The following LPA variants were observed in gnomAD, a reference collection of about 807,000 sequenced individuals.
The protein encoded by LPA is lipoprotein(a).
LPA carries 199 observed loss-of-function variants against 197.9 expected under a neutral mutation model. The observed-to-expected ratio is 1.01, with a 90% confidence interval of 0.90 to 1.13. The LOEUF (loss-of-function observed/expected upper bound fraction) is 1.13, where lower values mean the gene tolerates loss of function less well. Among genes scored for constraint, LPA ranks in the 50% most tolerant of loss-of-function variants. The pLI is 0.00. For synonymous variants in LPA, 715 were observed against 639.5 expected (o/e 1.12, Z -1.78); for missense variants, 1,853 against 1,785.8 (o/e 1.04, Z -0.68).
At chr6:160,541,564 A>C (rs187881410) in intron 34 of LPA, among the ~76,000 whole-genome samples, 92 of 152,300 alleles carry the variant, frequency 6.0e-4, no homozygotes, top group African/African-American at 2.1e-3. Flanking sequence ...GATCTATGCA[A>C]GGTCACTCTT....
chr6:160,661,309 A>G (rs528246271), intron 1 of LPA, among the ~76,000 whole-genome samples: 359 of 147,518 alleles, frequency 2.4e-3, no homozygotes, highest in Middle Eastern at 6.9e-3. Flanking sequence ...GAGTGACTAG[A>G]AGAGCAGTGG....
chr6:160,581,285 C>T (rs1778790194), intron 26 of LPA, among the ~76,000 whole-genome samples: 1 of 151,932 alleles, frequency 6.6e-6, no homozygotes, highest in African/African-American at 2.4e-5. Context: ...TTGCCCAATA[C>T]TATGTATTTT....
In LPA at chr6:160,590,705, G is replaced by C. The variant is rs1326294629; in HGVS notation, c.3787+239C>G. Among the ~76,000 whole-genome samples the C allele has an allele frequency of 2.0e-5, 3 of 152,170 alleles. No individual in the cohort carries two copies. In the East Asian group the frequency reaches 5.8e-4, roughly 29 times the overall value. ...AATCTATTGAATAACCAGGGGAGTG[G>C]TAAATCCAGTGCCCTAGAAGGTCTG... On this transcript the variant is annotated intron_variant, in intron 23 of 38. Coordinates refer to ENST00000316300, the MANE Select transcript of LPA (RefSeq NM_005577.4).
intron 28 of LPA, among the ~76,000 whole-genome samples, chr6:160,576,378 A>G (rs1313482140): frequency 4.3e-4 from 28 of 64,976 alleles, no homozygotes; most frequent in African/African-American, 2.0e-3. Flanking sequence ...ATATATATAT[A>G]TATATATATA....
chr6:160,555,293 TAGTGTG>T (rs985552072), intron 30 of LPA, among the ~76,000 whole-genome samples: 9 of 87,928 alleles, frequency 1.0e-4, no homozygotes, highest in African/African-American at 4.1e-4. Context: ...TATTATATGT[TAGTGTG>T]TGTGTGTGTG....
At chr6:160,579,127 T>C (rs1020094412) in intron 26 of LPA, among the ~76,000 whole-genome samples, 5 of 152,112 alleles carry the variant, frequency 3.3e-5, no homozygotes, top group African/African-American at 1.2e-4. Flanking sequence ...TAAGACTATA[T>C]AGTAATATGT....
chr6:160,539,893 T>G, intron 36 of LPA, 150 bp downstream of exon 36: 1 of 1,038,816 alleles, frequency 9.6e-7, no homozygotes, highest in Non-Finnish European at 1.5e-6. Context: ...GGGCTGGGGT[T>G]GAAGATTGAT....
At chr6:160,656,748 T>C (rs1447392474) in intron 1 of LPA, among the ~76,000 whole-genome samples, 1 of 152,194 alleles carries the variant, frequency 6.6e-6, no homozygotes, top group Non-Finnish European at 1.5e-5. Context: ...CTCCCCTTCA[T>C]TCAGTGGGTT....
rs1247963257 is a variant in LPA at position 160,585,037 on chromosome 6, T to C, written c.4289+9A>G. On this transcript the variant is annotated intron_variant, in intron 26 of 38. Transcript: ENST00000316300. ...ATTGTTCCTTTTATGGCTAACATGA[T>C]AGACATACGCATTTGGATAGTATAA... The C allele has an allele frequency of 1.2e-6, 2 of 1,613,398 alleles. No homozygotes were observed. Among genetic ancestry groups the C allele is most frequent in the African/African-American group, 2.7e-5 (2 of 74,870 alleles).
intron 26 of LPA, among the ~76,000 whole-genome samples, chr6:160,582,073 T>C (rs551991175): frequency 7.4e-4 from 113 of 152,234 alleles, no homozygotes; most frequent in Non-Finnish European, 1.3e-3. Flanking sequence ...ATTTGTTCTT[T>C]GTTTTTAGGA....
At chr6:160,561,419 G>A (rs945663354) in intron 28 of LPA, among the ~76,000 whole-genome samples, 21 of 152,142 alleles carry the variant, frequency 1.4e-4, no homozygotes, top group African/African-American at 4.6e-4. Context: ...CTGTTCTATT[G>A]GTCTATATAT....
At chr6:160,594,740 C>T (rs1291375272) in intron 21 of LPA, among the ~76,000 whole-genome samples, 1 of 152,156 alleles carries the variant, frequency 6.6e-6, no homozygotes, top group Admixed American at 6.6e-5. Context: ...GAGACCAACA[C>T]AGATATATGT....
chr6:160,607,716 A>C (rs193126911), intron 16 of LPA, among the ~76,000 whole-genome samples: 2 of 152,064 alleles, frequency 1.3e-5, no homozygotes, highest in African/African-American at 4.8e-5. Flanking sequence ...GACTCTATAC[A>C]TGTGGCCTAG....
intron 28 of LPA, among the ~76,000 whole-genome samples, chr6:160,569,999 G>A (rs538624564): frequency 1.8e-4 from 27 of 152,218 alleles, no homozygotes; most frequent in African/African-American, 6.5e-4. Context: ...ATGCTAGAGA[G>A]GATGTGGAGA....
In LPA at chr6:160,634,536, C is replaced by A. The variant is rs972969158; in HGVS notation, c.1075+587G>T. 2.6e-3 allele frequency among the ~76,000 whole-genome samples: 367 copies of A among 141,352 alleles called. 5 individuals are homozygous for A. The highest frequency in any genetic ancestry group is 0.01 in the African/African-American group (352 of 34,620). The allele number at this position is 141,352 out of a possible 152,430, so 92.7% of individuals were successfully genotyped here. On this transcript the variant is annotated intron_variant, in intron 7 of 38. Transcript: ENST00000316300. Reference sequence around the variant, plus strand: ...AAGTCTACTAACCTTTCTCTCTAGACCCCTCACAGGTACAAGTGCCATCAG... The same window carrying A: ...AAGTCTACTAACCTTTCTCTCTAGAACCCTCACAGGTACAAGTGCCATCAG...
At position 160,610,725 on chromosome 6, in the gene LPA, C is replaced by T. The variant is rs118052416; in HGVS notation, c.2603+837G>A. 2.5e-3 allele frequency among the ~76,000 whole-genome samples: 377 copies of T among 152,236 alleles called. 17 individuals are homozygous for T. The East Asian group carries it at 0.063, about 25-fold the overall frequency. On this transcript the variant is annotated intron_variant, in intron 16 of 38. Transcript: ENST00000316300. The stretch of plus-strand genomic sequence containing the variant: ...CCCAAACTCCAATCCCTCTCCTCTG[C>T]TCAGCTAGATGGCTACAGGCTGCTT...
chr6:160,574,609 C>T (rs1778621860), intron 28 of LPA, among the ~76,000 whole-genome samples: 1 of 152,146 alleles, frequency 6.6e-6, no homozygotes, highest in South Asian at 2.1e-4. Context: ...TTTTGCTTGG[C>T]TCAGCTCTCT....
chr6:160,540,053 T>A lies in LPA; in HGVS notation c.5725A>T (p.Lys1909Ter). 5 of 1,614,050 alleles carry A rather than the reference T, an allele frequency of 3.1e-6. No individual in the cohort carries two copies. The highest frequency in any genetic ancestry group is 4.2e-6 in the Non-Finnish European group (5 of 1,180,002). ...CAGGTGAGCGAGTACCTGCTTAGCT[T>A]TAGCAAGGCAATATCTGCTTGTGTG... ...EPTQADIALL[K>*]LSRPAVITDK... Residue 1909 changes from lysine to a stop codon, truncating the protein, a stop_gained, in exon 36 of 39, where the codon AAG becomes TAG. Transcript: ENST00000316300. LOFTEE classifies it high-confidence loss of function.
intron 30 of LPA, among the ~76,000 whole-genome samples, chr6:160,551,900 A>G (rs1334800997): frequency 3.3e-5 from 5 of 149,714 alleles, no homozygotes; most frequent in Non-Finnish European, 3.0e-5. Flanking sequence ...TTTTTTGGCC[A>G]ATAACACATA....
Sources: allele counts gnomAD v4.1 joint callset (sites outside exome capture counted in the v4.1 genomes callset), GRCh38; gene constraint gnomAD v4.1.1; transcripts MANE v1.5; gene names NCBI Gene and HGNC (gene_info 2026-07-23, HGNC 2026-07-21).